MDGA2: variants seen among roughly 807,000 people sequenced by gnomAD.
MDGA2 encodes the protein MAM domain containing glycosylphosphatidylinositol anchor 2.
MDGA2 carries 40 observed loss-of-function variants against 117.8 expected under a neutral mutation model. The observed-to-expected ratio is 0.34, with a 90% CI of 0.26 to 0.44. MDGA2 has a LOEUF of 0.44. Among genes scored for constraint, MDGA2 ranks in the 20% least tolerant of loss-of-function variants. The pLI, the probability that MDGA2 is intolerant of heterozygous loss-of-function variation, is 1.00. For synonymous variants in MDGA2, 452 were observed against 439.0 expected, an observed-to-expected ratio of 1.03 and a Z score of -0.37; for missense variants, 1,123 against 1,250.6, an observed-to-expected ratio of 0.90 and a Z score of 1.54.
At chr14:47,501,924 A>G (rs929997467) in intron 1 of MDGA2, among the ~76,000 whole-genome samples, 1 of 152,188 alleles carries the variant, frequency 6.6e-6, no homozygotes, top group Non-Finnish European at 1.5e-5. Context: ...TCAATTGTCT[A>G]TATTAGTTGG....
At chr14:47,386,108 A>G (rs938715568) in intron 1 of MDGA2, among the ~76,000 whole-genome samples, 1 of 151,876 alleles carries the variant, frequency 6.6e-6, no homozygotes. Context: ...ATGGTGAAAC[A>G]CCGTCTCTAC....
At chr14:46,988,225 A>G (rs959035100) in intron 8 of MDGA2, among the ~76,000 whole-genome samples, 2 of 152,002 alleles carry the variant, frequency 1.3e-5, no homozygotes, top group African/African-American at 4.8e-5. Flanking sequence ...TATTCCATAA[A>G]TTATGAAGAA....
intron 1 of MDGA2, among the ~76,000 whole-genome samples, chr14:47,622,712 G>A (rs1047090250): frequency 1.5e-4 from 23 of 152,270 alleles, no homozygotes; most frequent in African/African-American, 5.5e-4. Context: ...AATCTTCTAG[G>A]TGTTGTTGCT....
chr14:46,860,572 C>T (rs900592196), intron 14 of MDGA2, among the ~76,000 whole-genome samples: 7 of 151,680 alleles, frequency 4.6e-5, no homozygotes, highest in Admixed American at 4.6e-4. Flanking sequence ...TCAAAATTAC[C>T]TTCTATCATT....
At chr14:47,642,547 T>C (rs1400736053) in intron 1 of MDGA2, among the ~76,000 whole-genome samples, 1 of 152,092 alleles carries the variant, frequency 6.6e-6, no homozygotes, top group Non-Finnish European at 1.5e-5. Context: ...CACATATTGC[T>C]TGGCAAACAC....
intron 9 of MDGA2, among the ~76,000 whole-genome samples, chr14:46,923,837 T>C (rs1429431874): frequency 6.6e-6 from 1 of 152,076 alleles, no homozygotes; most frequent in African/African-American, 2.4e-5. Context: ...GAAATATCCT[T>C]ATAATAATCT....
intron 7 of MDGA2, chr14:47,058,686 C>T: frequency 1.0e-6 from 1 of 985,260 alleles, no homozygotes; most frequent in Non-Finnish European, 1.2e-6. Flanking sequence ...CTTTATACTG[C>T]ATTCTAGTAT....
chr14:47,287,983 A>G (rs2139762986), intron 2 of MDGA2, among the ~76,000 whole-genome samples: 1 of 152,298 alleles, frequency 6.6e-6, no homozygotes, highest in South Asian at 2.1e-4. Context: ...GCAAGGAAGG[A>G]TTCTACCCAG....
At chr14:47,660,510 T>C (rs1897825246) in intron 1 of MDGA2, among the ~76,000 whole-genome samples, 1 of 152,220 alleles carries the variant, frequency 6.6e-6, no homozygotes, top group Non-Finnish European at 1.5e-5. Context: ...AGGAACTCAC[T>C]GTCAGCTAAG....
chr14:47,216,358 A>G (rs1338130643), intron 3 of MDGA2, among the ~76,000 whole-genome samples: 1 of 152,154 alleles, frequency 6.6e-6, no homozygotes, highest in Non-Finnish European at 1.5e-5. Context: ...TAGAAAGGTT[A>G]TATAGTATAC....
rs978501938 is a variant in MDGA2, at chr14:47,247,360, A to C, written c.421-29165T>G. Among the ~76,000 whole-genome samples, 8 of 148,110 alleles carry C rather than the reference A, an allele frequency of 5.4e-5. 1 individual carries two copies. The Middle Eastern group carries it at 0.014, about 263-fold the overall frequency. On this transcript the variant is annotated intron_variant, in intron 2 of 16. Transcript: ENST00000399232. ...CACTGTGTCACCCAGGCTGGAGTGC[A>C]GTGGTGTGATCTCAGCTCACTGTAA...
intron 1 of MDGA2, among the ~76,000 whole-genome samples, chr14:47,352,291 G>A (rs974863445): frequency 2.6e-5 from 4 of 152,002 alleles, no homozygotes; most frequent in Non-Finnish European, 4.4e-5. Flanking sequence ...GAAAACACAC[G>A]TGCTCTCCCT....
intron 1 of MDGA2, among the ~76,000 whole-genome samples, chr14:47,561,264 GA>G (rs1250079663): frequency 6.7e-6 from 1 of 149,218 alleles, no homozygotes; most frequent in Non-Finnish European, 1.5e-5. Context: ...CTAGTTTTGT[GA>G]AGAATGTCAT....
At chr14:47,168,988 G>A (rs1884008275) in intron 3 of MDGA2, among the ~76,000 whole-genome samples, 1 of 151,898 alleles carries the variant, frequency 6.6e-6, no homozygotes, top group Admixed American at 6.6e-5. Context: ...TCTCATTATT[G>A]ATAAAATTAA....
chr14:47,193,678 A>C (rs1274858850), intron 3 of MDGA2, among the ~76,000 whole-genome samples: 3 of 152,228 alleles, frequency 2.0e-5, no homozygotes. Context: ...CTGCAAAGTC[A>C]GTGAATTATG....
chr14:47,299,463 T>C (rs1332483953), intron 2 of MDGA2: 1 of 152,218 alleles, frequency 6.6e-6, no homozygotes, highest in Non-Finnish European at 1.5e-5. Flanking sequence ...CATAAAGCTC[T>C]TCAAGGCTTC....
At chr14:47,575,344 CA>C (rs1896096601) in intron 1 of MDGA2, among the ~76,000 whole-genome samples, 1 of 151,868 alleles carries the variant, frequency 6.6e-6, no homozygotes, top group South Asian at 2.1e-4. Flanking sequence ...AAATAGCAAG[CA>C]AAAAAATCTG....
intron 3 of MDGA2, among the ~76,000 whole-genome samples, chr14:47,204,659 A>G (rs951636878): frequency 2.0e-5 from 3 of 151,952 alleles, no homozygotes; most frequent in East Asian, 3.9e-4. Flanking sequence ...TGCTCACTGA[A>G]TGAATTAGCT....
intron 4 of MDGA2, among the ~76,000 whole-genome samples, chr14:47,141,193 G>A (rs1354332386): frequency 6.6e-6 from 1 of 152,108 alleles, no homozygotes; most frequent in South Asian, 2.1e-4. Context: ...TACACTGTTG[G>A]CGGGAATGCA....
Sources: gnomAD v4.1 joint callset for allele counts (sites outside exome capture counted in the v4.1 genomes callset) on GRCh38, gnomAD v4.1.1 for gene constraint, MANE v1.5 for transcripts, NCBI Gene and HGNC (gene_info 2026-07-23, HGNC 2026-07-21) for gene names.